The following MGAT3 variants were observed in gnomAD, a reference collection of about 807,000 sequenced individuals.
MGAT3 encodes the protein GlcNAc-T III.
Under a neutral mutation model 29.8 loss-of-function variants are expected in MGAT3, and 9 were observed. The observed-to-expected ratio is 0.30, with a 90% CI of 0.18 to 0.53. The LOEUF (loss-of-function observed/expected upper bound fraction) is 0.53. MGAT3 is among the 20% of genes least tolerant of loss of function. The probability of loss-of-function intolerance (pLI) is 0.96; values close to 1 mark genes in which losing one functional copy is unlikely to be tolerated. For synonymous variants in MGAT3, 397 were observed against 348.9 expected, an observed-to-expected ratio of 1.14 and a Z score of -1.54; for missense variants, 557 against 769.5, an observed-to-expected ratio of 0.72 and a Z score of 3.27.
In MGAT3 at chr22:39,478,151, G is replaced by A. The variant is rs75297716; in HGVS notation, c.-1-9196G>A. On this transcript the variant is annotated intron_variant, in intron 1 of 1. Transcript: ENST00000341184. ...TGAGCACAGGGAGACGGGCTTCAGCGCGAAGCCCTTTCGTACAGTTGAACT... is the reference window on the plus strand; with the variant it reads ...TGAGCACAGGGAGACGGGCTTCAGCACGAAGCCCTTTCGTACAGTTGAACT... Among the ~76,000 whole-genome samples the A allele has an allele frequency of 6.9e-3, 1,055 of 152,356 alleles. 4 individuals are homozygous for A. The highest frequency in any genetic ancestry group is 0.041 in the Middle Eastern group (12 of 294).
intron 1 of MGAT3, among the ~76,000 whole-genome samples, chr22:39,476,260 C>T (rs1928959118): frequency 6.6e-6 from 1 of 152,196 alleles, no homozygotes; most frequent in African/African-American, 2.4e-5. Context: ...GCAAGGCCTC[C>T]ACCCTGGAGC....
At chr22:39,469,393 C>A (rs112281235) in intron 1 of MGAT3, among the ~76,000 whole-genome samples, 3 of 152,186 alleles carry the variant, frequency 2.0e-5, no homozygotes, top group African/African-American at 7.2e-5. Context: ...ATGCCCACTG[C>A]CCTCCTTGCT....
chr22:39,466,967 C>T (rs536832534), intron 1 of MGAT3, among the ~76,000 whole-genome samples: 106 of 152,346 alleles, frequency 7.0e-4, no homozygotes, highest in African/African-American at 2.1e-3. Flanking sequence ...TCAGCAATTA[C>T]TCCCTAAGTG....
At chr22:39,470,547 G>A (rs993321652) in intron 1 of MGAT3, among the ~76,000 whole-genome samples, 2 of 152,202 alleles carry the variant, frequency 1.3e-5, no homozygotes, top group African/African-American at 2.4e-5. Flanking sequence ...GCAGGGAGAT[G>A]TGGCCTGATG....
rs546576910 is a variant in MGAT3, at chr22:39,466,785, C to T, written c.-2+9228C>T. Among the ~76,000 whole-genome samples the T allele has an allele frequency of 1.3e-4, 20 of 152,350 alleles. 1 individual carries two copies. The South Asian group carries it at 2.1e-3, about 16-fold the overall frequency. ...CTGACCCCGGCCTCTAAGTGCTTTTCCCACTATCCTCCTACACACGGGTCA... is the reference window on the plus strand; with the variant it reads ...CTGACCCCGGCCTCTAAGTGCTTTTTCCACTATCCTCCTACACACGGGTCA... On this transcript the variant is annotated intron_variant, in intron 1 of 1. Transcript: ENST00000341184.
At chr22:39,468,874 C>T (rs1241279481) in intron 1 of MGAT3, among the ~76,000 whole-genome samples, 4 of 151,940 alleles carry the variant, frequency 2.6e-5, no homozygotes. Context: ...CCTCCAGGAA[C>T]AGGCACGGAG....
chr22:39,464,979 T>G (rs1323683053), intron 1 of MGAT3, among the ~76,000 whole-genome samples: 1 of 151,804 alleles, frequency 6.6e-6, no homozygotes, highest in Non-Finnish European at 1.5e-5. Context: ...ATGGTCTCGA[T>G]CTCCTGACCT....
At chr22:39,467,881 G>C (rs556472278) in intron 1 of MGAT3, among the ~76,000 whole-genome samples, 2 of 151,556 alleles carry the variant, frequency 1.3e-5, no homozygotes, top group Non-Finnish European at 2.9e-5. Flanking sequence ...AAACTTAGAG[G>C]AGGAAACCTG....
Position 39,487,524 on chromosome 22 carries a change from G to A in MGAT3, c.177G>A (p.Gln59=). The A allele has an allele frequency of 1.9e-6, 3 of 1,613,010 alleles. No individual in the cohort carries two copies. The highest frequency in any genetic ancestry group is 1.1e-5 in the South Asian group (1 of 91,074). ...GGAACAATGCCCCGGTCACGCCCCA[G>A]GCCAGCCCCGAGCCAGGAGGCCCTG... ...FFWNNAPVTP[Q]ASPEPGGPDL... is the part of the protein sequence containing the mutation. The change falls in exon 2 of 2, where the codon CAG becomes CAA. Residue 59 remains glutamine (Q), a synonymous_variant. Transcript: ENST00000341184. This position sits in a 1 kb window ranked among gnomAD's most constrained non-coding sequence, Gnocchi z 5.7.
intron 1 of MGAT3, among the ~76,000 whole-genome samples, chr22:39,480,286 C>T (rs1370424407): frequency 6.6e-6 from 1 of 152,166 alleles, no homozygotes; most frequent in Non-Finnish European, 1.5e-5. Context: ...TGGGAAGGAG[C>T]TGGAGAGGGG....
At chr22:39,465,211 C>G (rs1297394139) in intron 1 of MGAT3, among the ~76,000 whole-genome samples, 1 of 152,200 alleles carries the variant, frequency 6.6e-6, no homozygotes, top group Non-Finnish European at 1.5e-5. Flanking sequence ...GGGAGGGGTG[C>G]AGTCCCACAC....
chr22:39,466,336 G>A (rs760714), intron 1 of MGAT3, among the ~76,000 whole-genome samples: 95,891 of 151,826 alleles, frequency 0.63, 32,002 homozygotes, highest in East Asian at 0.96. Flanking sequence ...AGAGCAAGTG[G>A]ATCTGCGGCA....
chr22:39,485,588 C>T (rs113627475), intron 1 of MGAT3, among the ~76,000 whole-genome samples: 2 of 152,218 alleles, frequency 1.3e-5, no homozygotes, highest in South Asian at 4.1e-4. Context: ...GTCAGGAGTT[C>T]GAGACCTGCC....
chr22:39,481,418 G>A (rs541772704), intron 1 of MGAT3, among the ~76,000 whole-genome samples: 2 of 152,326 alleles, frequency 1.3e-5, no homozygotes, highest in Admixed American at 1.3e-4. Context: ...TGTAGTTTAC[G>A]CAGGCTCCCT....
At chr22:39,460,703 C>T (rs1264919848) in intron 1 of MGAT3, among the ~76,000 whole-genome samples, 3 of 152,070 alleles carry the variant, frequency 2.0e-5, no homozygotes, top group Admixed American at 6.6e-5. Context: ...GAGGCTGAGG[C>T]GAGAGAATCG....
intron 1 of MGAT3, among the ~76,000 whole-genome samples, chr22:39,478,522 G>A (rs945068956): frequency 8.5e-5 from 13 of 152,362 alleles, no homozygotes; most frequent in Middle Eastern, 6.8e-3. Flanking sequence ...AACCACGGAG[G>A]TGGGTGGCAG....
chr22:39,470,430 G>A (rs903080616), intron 1 of MGAT3, among the ~76,000 whole-genome samples: 4 of 152,242 alleles, frequency 2.6e-5, no homozygotes, highest in Non-Finnish European at 4.4e-5. Flanking sequence ...TGGGGGACAA[G>A]GGAGGCAAGG....
intron 1 of MGAT3, among the ~76,000 whole-genome samples, chr22:39,463,081 C>T (rs552446188): frequency 7.2e-5 from 11 of 152,306 alleles, no homozygotes; most frequent in African/African-American, 2.6e-4. Context: ...GGCTGGCAGG[C>T]CTGGTGGTGG....
At chr22:39,478,116 G>C (rs182748870) in intron 1 of MGAT3, among the ~76,000 whole-genome samples, 1 of 152,246 alleles carries the variant, frequency 6.6e-6, no homozygotes, top group East Asian at 1.9e-4. Context: ...GGACCAGGCC[G>C]GGTGGAAGGT....
Sources: allele counts gnomAD v4.1 joint callset (sites outside exome capture counted in the v4.1 genomes callset), GRCh38; gene constraint gnomAD v4.1.1; non-coding constraint Gnocchi (gnomAD v3.1); transcripts MANE v1.5; gene names NCBI Gene and HGNC (gene_info 2026-07-23, HGNC 2026-07-21).